SLC3A2: variants seen among roughly 807,000 people sequenced by gnomAD.
The protein encoded by SLC3A2 is solute carrier family 3 member 2.
In SLC3A2, 32 loss-of-function variants were observed where a neutral mutation model predicts 48.5. The ratio of observed to expected loss-of-function variants is 0.66; its 90% CI spans 0.50 to 0.89. SLC3A2 has a LOEUF of 0.89. Ranked by LOEUF, SLC3A2 falls within the 40% of genes least tolerant of loss-of-function variation. The pLI is 0.00. For synonymous variants in SLC3A2, 277 were observed against 288.8 expected (o/e 0.96, Z 0.41); for missense variants, 587 against 680.7 (o/e 0.86, Z 1.53).
At chr11:62,858,735 C>T (rs2085365364) in intron 1 of SLC3A2, among the ~76,000 whole-genome samples, 2 of 152,244 alleles carry the variant, frequency 1.3e-5, no homozygotes, top group East Asian at 1.9e-4. Context: ...GTGTCAGGGC[C>T]ACAAGACAAT....
intron 7 of SLC3A2, 40 bp downstream of exon 7, chr11:62,885,648 T>C: frequency 6.2e-7 from 1 of 1,608,572 alleles, no homozygotes; most frequent in African/African-American, 1.4e-5. Context: ...AGGTTGTTTA[T>C]CCATCTTACA....
upstream of SLC3A2, among the ~76,000 whole-genome samples, chr11:62,879,862 C>T (rs1487665563): frequency 6.6e-6 from 1 of 152,208 alleles, no homozygotes. Flanking sequence ...CACTTCAATC[C>T]AAGGACCCTG....
chr11:62,883,892 CTT>C (rs946401511), intron 3 of SLC3A2: 5 of 439,340 alleles, frequency 1.1e-5, no homozygotes, highest in South Asian at 3.2e-5. Context: ...GCACTGGCCT[CTT>C]TTCAAATCTA....
rs138578664 is a variant in SLC3A2 at position 62,882,038 on chromosome 11, C to T, written c.570C>T (p.Asp190=). 1.2e-5 allele frequency: 20 copies of T among 1,614,234 alleles called. No individual in the cohort carries two copies. Among genetic ancestry groups the T allele is most frequent in the Middle Eastern group, 3.3e-4 (2 of 6,062 alleles). ...DPNFGSKEDF[D]SLLQSAKKKS... ...ATTTTGGCTCCAAGGAAGATTTTGA[C>T]AGTCTCTTGCAATCGGCTAAAAAAA... The change falls in exon 2 of 9, where the codon GAC becomes GAT. Residue 190 remains aspartate (D), a synonymous_variant. Transcript: ENST00000338663.
chr11:62,861,996 T>C (rs1335729224), intron 1 of SLC3A2, among the ~76,000 whole-genome samples: 5 of 149,388 alleles, frequency 3.3e-5, no homozygotes, highest in Non-Finnish European at 7.4e-5. Flanking sequence ...CTTTAAGCTA[T>C]AGCCCAAATT....
upstream of SLC3A2, among the ~76,000 whole-genome samples, chr11:62,880,077 T>C (rs2085613001): frequency 6.6e-6 from 1 of 152,142 alleles, no homozygotes; most frequent in East Asian, 1.9e-4. Flanking sequence ...AGCTCTGTTA[T>C]GTTCATTACA....
At chr11:62,883,149 G>A in intron 3 of SLC3A2, 150 bp downstream of exon 3, 1 of 668,008 alleles carries the variant, frequency 1.5e-6, no homozygotes, top group South Asian at 1.7e-5. Context: ...ATAGCCAAAG[G>A]ATAGGCCAAT....
intron 2 of SLC3A2, chr11:62,882,315 T>G: frequency 2.1e-6 from 1 of 468,568 alleles, no homozygotes; most frequent in Non-Finnish European, 3.9e-6. Flanking sequence ...AAAATATAGA[T>G]ATTTACTAAA....
intron 1 of SLC3A2, among the ~76,000 whole-genome samples, chr11:62,872,665 C>T (rs905076384): frequency 1.3e-4 from 20 of 152,156 alleles, no homozygotes; most frequent in Admixed American, 1.2e-3. Context: ...TGCAATGGCT[C>T]GATCTCGGCT....
chr11:62,871,232 G>C (rs1399150600), intron 1 of SLC3A2, among the ~76,000 whole-genome samples: 1 of 147,132 alleles, frequency 6.8e-6, no homozygotes, highest in Non-Finnish European at 1.5e-5. Context: ...CTGCCTGGTA[G>C]GGCTTATCTT....
rs750013503 is a variant in SLC3A2 at position 62,881,920 on chromosome 11, G to A, written c.452G>A (p.Ser151Asn). Reference protein sequence around the residue: ...AGLKGRLDYLSSLKVKGLVLG... With the variant: ...AGLKGRLDYLNSLKVKGLVLG... ...CTGAAGGGGCGTCTCGATTACCTGAGCTCTCTGAAGGTGAAGGGCCTTGTG... is the reference window on the plus strand; with the variant it reads ...CTGAAGGGGCGTCTCGATTACCTGAACTCTCTGAAGGTGAAGGGCCTTGTG... The change falls in exon 2 of 9, where the codon AGC becomes AAC. Residue 151 changes from serine to asparagine, a missense_variant. This residue lies in a region of SLC3A2 where 409 missense variants were observed against 446.7 expected (regional missense o/e 0.92). Coordinates refer to ENST00000338663, the MANE Select transcript of SLC3A2 (RefSeq NM_001013251.3). The surrounding 1 kb of genome is among the most constrained non-coding windows in gnomAD (Gnocchi z 4.0). 5.0e-6 allele frequency: 8 copies of A among 1,614,132 alleles called. No homozygotes were observed. The highest frequency in any genetic ancestry group is 5.9e-6 in the Non-Finnish European group (7 of 1,180,018).
intron 1 of SLC3A2, among the ~76,000 whole-genome samples, chr11:62,868,066 C>T (rs1187124806): frequency 6.6e-6 from 1 of 151,900 alleles, no homozygotes; most frequent in Non-Finnish European, 1.5e-5. Flanking sequence ...CGATTACAGC[C>T]TCCTGCCACC....
intron 1 of SLC3A2, among the ~76,000 whole-genome samples, chr11:62,869,607 T>C (rs2085490384): frequency 6.6e-6 from 1 of 151,218 alleles, no homozygotes; most frequent in African/African-American, 2.4e-5. Flanking sequence ...TTCGTACTGG[T>C]TTTTAGTGAT....
chr11:62,888,784 A>G lies in SLC3A2; in HGVS notation c.*91A>G, dbSNP rs933906958. 1 of 1,283,380 alleles carries G rather than the reference A, an allele frequency of 7.8e-7. No homozygotes were observed. Among genetic ancestry groups the G allele is most frequent in the African/African-American group, 1.5e-5 (1 of 66,902 alleles). The allele number at this position is 1,283,380 out of a possible 1,614,324, so 79.5% of individuals were successfully genotyped here. ...TCTCTTTTTTAAAAACAAACAAACA[A>G]ACTGTTGCAGATTATGAGTGAACCC... On this transcript the variant is annotated 3_prime_UTR_variant, in exon 9 of 9. Coordinates refer to ENST00000338663, the MANE Select transcript of SLC3A2 (RefSeq NM_001013251.3).
chr11:62,883,008 T>C lies in SLC3A2; in HGVS notation c.690+9T>C. 1 of 1,612,960 alleles carries C rather than the reference T, an allele frequency of 6.2e-7. No individual in the cohort carries two copies. The highest frequency in any genetic ancestry group is 1.1e-5 in the South Asian group (1 of 91,064). ...TGGCCACCAAGGTGAAGGTGAGTGT[T>C]GGAGCTGATGGCTGGTGGAAGTCAG... On this transcript the variant is annotated intron_variant, in intron 3 of 8. Coordinates refer to ENST00000338663, the MANE Select transcript of SLC3A2 (RefSeq NM_001013251.3).
chr11:62,872,388 T>C (rs1212154011), intron 1 of SLC3A2, among the ~76,000 whole-genome samples: 1 of 152,158 alleles, frequency 6.6e-6, no homozygotes, highest in African/African-American at 2.4e-5. Context: ...GGTTGCATGC[T>C]CCTGTAATAC....
chr11:62,885,755 CA>C (rs2085705850), intron 7 of SLC3A2, 147 bp downstream of exon 7: 1 of 858,702 alleles, frequency 1.2e-6, no homozygotes, highest in Non-Finnish European at 1.8e-6. Context: ...TGGCTTTGGG[CA>C]AATTATTTTA....
rs2085639744 is a variant in SLC3A2, at chr11:62,881,581, C to T, written c.424+134C>T. 6 of 1,227,812 alleles carry T rather than the reference C, an allele frequency of 4.9e-6. No individual in the cohort carries two copies. In the East Asian group the frequency reaches 1.6e-4, roughly 32 times the overall value. The allele number at this position is 1,227,812 out of a possible 1,614,324, so 76.1% of individuals were successfully genotyped here. ...GTACCGACGACTGTTCCCCCTTCCC[C>T]CACCCCCTCCCCGGCACATTGTCCT... On this transcript the variant is annotated intron_variant, in intron 1 of 8. Coordinates refer to ENST00000338663, the MANE Select transcript of SLC3A2 (RefSeq NM_001013251.3). The surrounding 1 kb of genome is among the most constrained non-coding windows in gnomAD (Gnocchi z 4.0).
At chr11:62,865,426 G>A (rs1175979596) in intron 1 of SLC3A2, among the ~76,000 whole-genome samples, 1 of 151,898 alleles carries the variant, frequency 6.6e-6, no homozygotes, top group Non-Finnish European at 1.5e-5. Context: ...GGTGGCGTGT[G>A]CCCGTAATCC....
Sources: gnomAD v4.1 joint callset for allele counts (sites outside exome capture counted in the v4.1 genomes callset) on GRCh38, gnomAD v4.1.1 for gene constraint, gnomAD v4.1.1 regional missense constraint, Gnocchi (gnomAD v3.1) non-coding constraint, MANE v1.5 for transcripts, NCBI Gene and HGNC (gene_info 2026-07-23, HGNC 2026-07-21) for gene names.